Variants in PHKA1 observed in about 807,000 individuals in gnomAD.
PHKA1 encodes the protein phosphorylase b kinase regulatory subunit alpha, skeletal muscle isoform.
In PHKA1, 60 loss-of-function variants were observed where a neutral mutation model predicts 110.2. The ratio of observed to expected loss-of-function variants is 0.54; its 90% confidence interval spans 0.44 to 0.68. The LOEUF (loss-of-function observed/expected upper bound fraction) is 0.68, where lower values mean the gene tolerates loss of function less well. Among genes scored for constraint, PHKA1 ranks in the 30% least tolerant of loss-of-function variants. The pLI, the probability that PHKA1 is intolerant of heterozygous loss-of-function variation, is 0.00. For synonymous variants in PHKA1, 316 were observed against 333.6 expected (o/e 0.95, Z 0.58); for missense variants, 801 against 942.5 (o/e 0.85, Z 1.97).
rs1035564606 is a variant in PHKA1 at position 72,624,847 on chromosome X, C to G, written c.1794-1572G>C. On this transcript the variant is annotated intron_variant, in intron 17 of 31. Transcript: ENST00000373542. Reference sequence around the variant, plus strand: ...GAATCTAATAATGAGAAACAACCAGCCAAATCCAAATTGTGAGATGTTCTG... The same window carrying G: ...GAATCTAATAATGAGAAACAACCAGGCAAATCCAAATTGTGAGATGTTCTG... 5.4e-5 allele frequency among the ~76,000 whole-genome samples: 6 copies of G among 111,828 alleles called. No homozygotes were observed. In the East Asian group the frequency reaches 1.7e-3, roughly 31 times the overall value.
chrX:72,664,329 A>G (rs2053594879), intron 8 of PHKA1, among the ~76,000 whole-genome samples: 2 of 111,614 alleles, frequency 1.8e-5, no homozygotes, highest in African/African-American at 6.5e-5. Context: ...AAAAAGAGAC[A>G]AAGAAGGTCA....
At chrX:72,658,016 T>C (rs1256624459) in intron 8 of PHKA1, among the ~76,000 whole-genome samples, 1 of 112,152 alleles carries the variant, frequency 8.9e-6, no homozygotes, top group Admixed American at 9.4e-5. Context: ...ATAAGCTTTT[T>C]AAAAAAACAC....
Position 72,713,700 on chromosome X carries a change from A to C in PHKA1, c.78+103T>G, listed in dbSNP as rs868965191. ...CACACACACACACACACACACACACACCCACACACGCACGCACGCACGGAG... is the reference window on the plus strand; with the variant it reads ...CACACACACACACACACACACACACCCCCACACACGCACGCACGCACGGAG... On this transcript the variant is annotated intron_variant, in intron 1 of 31. Transcript: ENST00000373542. 224 of 619,335 alleles carry C rather than the reference A, an allele frequency of 3.6e-4. No individual in the cohort carries two copies. Among genetic ancestry groups the C allele is most frequent in the African/African-American group, 1.6e-3 (70 of 43,225 alleles). 51.0% of individuals were successfully genotyped at this position (619,335 alleles called of 1,213,427 possible).
intron 29 of PHKA1, among the ~76,000 whole-genome samples, chrX:72,584,759 T>A (rs782223611): frequency 3.6e-5 from 4 of 111,152 alleles, no homozygotes; most frequent in Admixed American, 9.6e-5. Context: ...TTGTTTTTTT[T>A]TTATTATTAT....
intron 14 of PHKA1, among the ~76,000 whole-genome samples, chrX:72,643,646 T>C (rs1380007953): frequency 1.8e-5 from 2 of 111,765 alleles, no homozygotes; most frequent in Admixed American, 9.5e-5. Context: ...CTCCTACTTT[T>C]ATAGTCTGGT....
chrX:72,594,576 A>G (rs2147662716), intron 28 of PHKA1, among the ~76,000 whole-genome samples: 1 of 112,825 alleles, frequency 8.9e-6, no homozygotes, highest in Admixed American at 9.3e-5. Flanking sequence ...CAACTCATAA[A>G]GAAAGATAAC....
At chrX:72,581,796 A>G (rs961585823) in intron 31 of PHKA1, among the ~76,000 whole-genome samples, 2 of 111,851 alleles carry the variant, frequency 1.8e-5, no homozygotes, top group Admixed American at 1.9e-4. Context: ...TGTTTTGAAA[A>G]TTTTTTTACT....
intron 8 of PHKA1, among the ~76,000 whole-genome samples, chrX:72,665,196 A>C (rs1160071092): frequency 8.9e-6 from 1 of 111,759 alleles, no homozygotes; most frequent in African/African-American, 3.2e-5. Flanking sequence ...TAAAATAAGA[A>C]ATAAAAAAGA....
At position 72,626,981 on chromosome X, in the gene PHKA1, C is replaced by T. The variant is rs2053083672; in HGVS notation, c.1783G>A (p.Gly595Ser). 8.3e-7 allele frequency: 1 copy of T among 1,202,637 alleles called. No homozygotes were observed. Among genetic ancestry groups the T allele is most frequent in the Non-Finnish European group, 1.1e-6 (1 of 888,600 alleles). Residue 595 changes from glycine (G) to serine (S), a missense_variant, in exon 17 of 32, where the codon GGT (glycine) becomes AGT (serine). Coordinates refer to ENST00000373542, the MANE Select transcript of PHKA1 (RefSeq NM_002637.4). ...ALRKMQDGYFGGARVQTGKLS... is the reference protein window; with the variant it reads ...ALRKMQDGYFSGARVQTGKLS... ...ATAGAGGTCACTTACCTTGCCCCAC[C>T]AAAATACCCATCTTGCATTTTTCGG...
chrX:72,656,207 C>T lies in PHKA1; in HGVS notation c.954G>A (p.Leu318=). 1 of 1,210,255 alleles carries T rather than the reference C, an allele frequency of 8.3e-7. No individual in the cohort carries two copies. Among genetic ancestry groups the T allele is most frequent in the Non-Finnish European group, 1.1e-6 (1 of 893,881 alleles). The change falls in exon 10 of 32, where the codon CTG becomes CTA. Residue 318 remains leucine (L), a synonymous_variant. Coordinates refer to ENST00000373542, the MANE Select transcript of PHKA1 (RefSeq NM_002637.4). ...PNRLYYEPAE[L]KLFENIECEW... ...CACACTCAATGTTTTCAAATAGCTTCAGCTCAGCTGGTTCATAGTACAGAC... is the reference window on the plus strand; with the variant it reads ...CACACTCAATGTTTTCAAATAGCTTTAGCTCAGCTGGTTCATAGTACAGAC...
intron 2 of PHKA1, among the ~76,000 whole-genome samples, chrX:72,708,342 T>C (rs1556333284): frequency 1.8e-5 from 2 of 111,413 alleles, no homozygotes; most frequent in Admixed American, 9.6e-5. Flanking sequence ...GTTAGGTATT[T>C]TTATTAAGGG....
In PHKA1 at chrX:72,593,282, G is replaced by A. The variant is rs1556228650; in HGVS notation, c.3073-8C>T. ...CATAGAGGTTCCAGGTGACTTGGAA[G>A]AGGAGAGGAAAGAACATAAATCAAA... is the stretch of plus-strand genomic sequence containing the variant. On this transcript the variant is annotated splice_region_variant and splice_polypyrimidine_tract_variant and intron_variant, in intron 28 of 31. Coordinates refer to ENST00000373542, the MANE Select transcript of PHKA1 (RefSeq NM_002637.4). 2.6e-6 allele frequency: 3 copies of A among 1,174,699 alleles called. No homozygotes were observed. Among genetic ancestry groups the A allele is most frequent in the Admixed American group, 4.4e-5 (2 of 45,897 alleles).
At chrX:72,628,059 G>A (rs1781460781) in intron 16 of PHKA1, among the ~76,000 whole-genome samples, 1 of 109,852 alleles carries the variant, frequency 9.1e-6, no homozygotes, top group African/African-American at 3.3e-5. Flanking sequence ...TCAATCTCCT[G>A]ATTTCGTGAT....
At chrX:72,690,666 T>C (rs1193392286) in intron 4 of PHKA1, among the ~76,000 whole-genome samples, 1 of 112,585 alleles carries the variant, frequency 8.9e-6, no homozygotes, top group Non-Finnish European at 1.9e-5. Context: ...AGCCACCTAT[T>C]CTGTGGTATT....
intron 6 of PHKA1, 45 bp from the exon 7 acceptor site, chrX:72,667,518 A>T: frequency 1.0e-6 from 1 of 1,002,678 alleles, no homozygotes; most frequent in African/African-American, 1.9e-5. Flanking sequence ...CATTAGAAAG[A>T]TATATATTTC....
intron 8 of PHKA1, 130 bp from the exon 9 acceptor site, chrX:72,657,771 CA>C (rs1312166031): frequency 2.0e-6 from 1 of 491,119 alleles, no homozygotes; most frequent in Admixed American, 3.7e-5. Context: ...TGCTTAAAAC[CA>C]AAAAACCTAT....
chrX:72,644,566 T>G (rs2053337879), intron 13 of PHKA1, 70 bp from the exon 14 acceptor site: 1 of 972,266 alleles, frequency 1.0e-6, no homozygotes, highest in African/African-American at 1.9e-5. Context: ...ATCTCTCAAG[T>G]TATATAATTT....
At chrX:72,583,447 G>T (rs2052366365) in intron 30 of PHKA1, among the ~76,000 whole-genome samples, 1 of 111,885 alleles carries the variant, frequency 8.9e-6, no homozygotes, top group Non-Finnish European at 1.9e-5. Context: ...TAAAGGTAGA[G>T]AAAAGACAAA....
chrX:72,584,036 A>G (rs1355504920), intron 30 of PHKA1, among the ~76,000 whole-genome samples: 6 of 112,592 alleles, frequency 5.3e-5, no homozygotes, highest in Non-Finnish European at 7.5e-5. Flanking sequence ...AACTTAATCA[A>G]CCATTAAAAG....
Sources: gnomAD v4.1 joint callset for allele counts (sites outside exome capture counted in the v4.1 genomes callset) on GRCh38, gnomAD v4.1.1 for gene constraint, MANE v1.5 for transcripts, NCBI Gene and HGNC (gene_info 2026-07-23, HGNC 2026-07-21) for gene names.